TULP4: variants seen among roughly 807,000 people sequenced by gnomAD.
The protein encoded by TULP4 is tubby-related protein 4.
In TULP4, 16 loss-of-function variants were observed where a neutral mutation model predicts 129.0. That is an observed-to-expected ratio of 0.12 (90% CI 0.08 to 0.19). TULP4 has a LOEUF of 0.19. Ranked by LOEUF, TULP4 falls within the 10% of genes least tolerant of loss-of-function variation. The pLI is 1.00. For synonymous variants in TULP4, 998 were observed against 854.0 expected (o/e 1.17, Z -2.94); for missense variants, 1,842 against 2,059.1 (o/e 0.89, Z 2.04).
intron 1 of TULP4, among the ~76,000 whole-genome samples, chr6:158,252,435 G>A (rs893515939): frequency 2.0e-5 from 3 of 151,966 alleles, no homozygotes; most frequent in African/African-American, 7.2e-5. Context: ...GAGTGCAGTG[G>A]TATGATCTCA....
intron 1 of TULP4, among the ~76,000 whole-genome samples, chr6:158,324,505 G>T (rs1408928327): frequency 6.6e-6 from 1 of 152,174 alleles, no homozygotes; most frequent in African/African-American, 2.4e-5. Context: ...TTGAGAGCTC[G>T]CTCTAGGCTA....
At chr6:158,350,793 C>T (rs1437741862) in intron 1 of TULP4, among the ~76,000 whole-genome samples, 1 of 150,706 alleles carries the variant, frequency 6.6e-6, no homozygotes, top group Non-Finnish European at 1.5e-5. Flanking sequence ...AAGAGTCTTG[C>T]TCTGTTGCCC....
intron 1 of TULP4, among the ~76,000 whole-genome samples, chr6:158,352,546 A>G (rs1780550111): frequency 6.6e-6 from 1 of 152,112 alleles, no homozygotes; most frequent in African/African-American, 2.4e-5. Context: ...ACAGGTGCCC[A>G]CCACCACGCC....
At chr6:158,453,509 AG>A (rs1562572665) in intron 5 of TULP4, among the ~76,000 whole-genome samples, 34 of 128,292 alleles carry the variant, frequency 2.7e-4, no homozygotes, top group Non-Finnish European at 4.8e-4. Flanking sequence ...AAAAAAAAAA[AG>A]CCGGGCACGG....
chr6:158,311,196 A>G (rs1262577054), upstream of TULP4, among the ~76,000 whole-genome samples: 1 of 152,222 alleles, frequency 6.6e-6, no homozygotes, highest in Non-Finnish European at 1.5e-5. Flanking sequence ...CAGCAGCATT[A>G]GCATCTCTTG....
intron 1 of TULP4, among the ~76,000 whole-genome samples, chr6:158,267,620 G>T (rs1778470056): frequency 6.6e-6 from 1 of 152,166 alleles, no homozygotes; most frequent in South Asian, 2.1e-4. Flanking sequence ...AATTAGGAGG[G>T]TCACTGCTTT....
At chr6:158,408,685 C>A (rs1778020975) in intron 1 of TULP4, among the ~76,000 whole-genome samples, 1 of 152,152 alleles carries the variant, frequency 6.6e-6, no homozygotes, top group African/African-American at 2.4e-5. Flanking sequence ...CAGCCAGACT[C>A]CAGAGCCCGC....
intron 1 of TULP4, among the ~76,000 whole-genome samples, chr6:158,343,949 T>C (rs1174699895): frequency 6.6e-6 from 1 of 152,198 alleles, no homozygotes; most frequent in Non-Finnish European, 1.5e-5. Context: ...TACATCCAGA[T>C]GGCCTGAAGC....
At chr6:158,281,519 C>T (rs771491941), upstream of TULP4, among the ~76,000 whole-genome samples, 9 of 152,062 alleles carry the variant, frequency 5.9e-5, no homozygotes, top group Non-Finnish European at 1.3e-4. Flanking sequence ...TTCCATTAGC[C>T]AGAAGGGTTG....
rs1037104656 is a variant in TULP4 at position 158,508,933 on chromosome 6, A to G, written c.*2239A>G. 1 of 128,218 alleles carries G rather than the reference A, an allele frequency of 7.8e-6. No individual in the cohort carries two copies. Among genetic ancestry groups the G allele is most frequent in the African/African-American group, 3.1e-5 (1 of 32,550 alleles). The allele number at this position is 128,218 out of a possible 1,614,324, so 7.9% of individuals were successfully genotyped here. A position where few individuals can be genotyped will look rare whatever the true frequency, so the allele number is the denominator to read the frequency against. On this transcript the variant is annotated 3_prime_UTR_variant, in exon 14 of 14. Transcript: ENST00000367097. ...GACGGAGTCCCACTCTTGTCGCCCA[A>G]CTAGAGTGTAGTGGCACAATCTCGG...
At chr6:158,276,337 C>T (rs780247151) in intron 1 of TULP4, among the ~76,000 whole-genome samples, 13 of 142,844 alleles carry the variant, frequency 9.1e-5, no homozygotes, top group Non-Finnish European at 1.7e-4. Flanking sequence ...CAAGGTTTTG[C>T]TCTGACACCC....
chr6:158,276,789 A>G (rs1778654995), intron 1 of TULP4, among the ~76,000 whole-genome samples: 1 of 152,160 alleles, frequency 6.6e-6, no homozygotes, highest in South Asian at 2.1e-4. Context: ...ATTTACATAA[A>G]TGTATATTGC....
chr6:158,331,778 TAC>T (rs111926333), intron 1 of TULP4, among the ~76,000 whole-genome samples: 6,701 of 71,408 alleles, frequency 0.094, 1,376 homozygotes, highest in Middle Eastern at 0.13. Context: ...CACGTATATA[TAC>T]ACACACACAT....
intron 3 of TULP4, among the ~76,000 whole-genome samples, chr6:158,443,987 G>GA (rs1778960219): frequency 1.3e-5 from 2 of 151,964 alleles, no homozygotes; most frequent in Non-Finnish European, 2.9e-5. Context: ...TGGGGGGCCA[G>GA]GGTGGGCGGA....
At chr6:158,331,782 C>CGTGT (rs1779899176) in intron 1 of TULP4, among the ~76,000 whole-genome samples, 5 of 51,658 alleles carry the variant, frequency 9.7e-5, no homozygotes, top group Admixed American at 2.9e-4. Context: ...TATATATACA[C>CGTGT]ACACACATAC....
intron 1 of TULP4, among the ~76,000 whole-genome samples, chr6:158,253,790 T>G (rs1056908675): frequency 1.2e-4 from 18 of 152,174 alleles, no homozygotes; most frequent in Non-Finnish European, 2.5e-4. Context: ...ATCCCAGCAC[T>G]TTGGGAGGCC....
At chr6:158,364,974 A>G (rs539086420) in intron 1 of TULP4, among the ~76,000 whole-genome samples, 2 of 151,884 alleles carry the variant, frequency 1.3e-5, no homozygotes, top group South Asian at 2.1e-4. Context: ...TGACCTTGTG[A>G]TCCACCTGCC....
At position 158,317,669 on chromosome 6, in the gene TULP4, A is replaced by T. The variant is rs554579894; in HGVS notation, c.252+3401A>T. ...TATAGTAGCATGATTTTGGGTATATACCCAGTAATGGGATGGCTGGATCAA... is the reference window on the plus strand; with the variant it reads ...TATAGTAGCATGATTTTGGGTATATTCCCAGTAATGGGATGGCTGGATCAA... On this transcript the variant is annotated intron_variant, in intron 1 of 13. Coordinates refer to ENST00000367097, the MANE Select transcript of TULP4 (RefSeq NM_020245.5). Among the ~76,000 whole-genome samples the T allele has an allele frequency of 1.9e-4, 29 of 152,252 alleles. 1 individual carries two copies. In the South Asian group the frequency reaches 6.0e-3, roughly 32 times the overall value.
intron 1 of TULP4, among the ~76,000 whole-genome samples, chr6:158,396,212 CT>C: frequency 6.6e-6 from 1 of 152,234 alleles, no homozygotes; most frequent in South Asian, 2.1e-4. Flanking sequence ...TATTGTTGTT[CT>C]TTGTATTTCC....
Sources: allele counts gnomAD v4.1 joint callset (sites outside exome capture counted in the v4.1 genomes callset), GRCh38; gene constraint gnomAD v4.1.1; transcripts MANE v1.5; gene names NCBI Gene and HGNC (gene_info 2026-07-23, HGNC 2026-07-21).